OSBPL9: variants seen among roughly 807,000 people sequenced by gnomAD.
OSBPL9 encodes oxysterol binding protein like 9.
OSBPL9 carries 40 observed loss-of-function variants against 106.6 expected under a neutral mutation model. That is an observed-to-expected ratio of 0.38 (90% CI 0.29 to 0.49). OSBPL9 has a LOEUF of 0.49. Ranked by LOEUF, OSBPL9 falls within the 20% of genes least tolerant of loss-of-function variation. The pLI, the probability that OSBPL9 is intolerant of heterozygous loss-of-function variation, is 0.97. For missense variants in OSBPL9, 609 were observed against 887.2 expected, an observed-to-expected ratio of 0.69 and a Z score of 3.98; for synonymous variants, 269 against 295.4, an observed-to-expected ratio of 0.91 and a Z score of 0.92.
chr1:51,701,114 A>AT (rs778031327), intron 3 of OSBPL9, among the ~76,000 whole-genome samples: 3 of 151,978 alleles, frequency 2.0e-5, no homozygotes, highest in Non-Finnish European at 2.9e-5. Context: ...TAATTTTTGT[A>AT]TTTTTAGTAG....
At chr1:51,763,085 A>G (rs1349454258) in intron 11 of OSBPL9, among the ~76,000 whole-genome samples, 6 of 152,040 alleles carry the variant, frequency 3.9e-5, no homozygotes, top group Non-Finnish European at 7.4e-5. Flanking sequence ...GACTCACTGC[A>G]CCCTCCACTT....
At chr1:51,610,505 T>C (rs573921060) in intron 2 of OSBPL9, among the ~76,000 whole-genome samples, 7 of 152,168 alleles carry the variant, frequency 4.6e-5, no homozygotes, top group Non-Finnish European at 8.8e-5. Context: ...ATTCAGATCA[T>C]CTTCACAAAC....
Position 51,787,691 on chromosome 1 carries a change from A to G in OSBPL9, c.2137-24A>G, listed in dbSNP as rs1391811386. Reference sequence around the variant, plus strand: ...AGAAGTACAAAGCAAATATGTAACTAAATTCTTCCTCTTTGTCTTACAGTT... The same window carrying G: ...AGAAGTACAAAGCAAATATGTAACTGAATTCTTCCTCTTTGTCTTACAGTT... On this transcript the variant is annotated intron_variant, in intron 23 of 23. Coordinates refer to ENST00000428468, the MANE Select transcript of OSBPL9 (RefSeq NM_024586.6). 9 of 1,607,060 alleles carry G rather than the reference A, an allele frequency of 5.6e-6. No individual in the cohort carries two copies. The African/African-American group carries it at 1.2e-4, about 22-fold the overall frequency.
At chr1:51,611,653 CA>C (rs1343702811) in intron 2 of OSBPL9, among the ~76,000 whole-genome samples, 1 of 152,134 alleles carries the variant, frequency 6.6e-6, no homozygotes, top group East Asian at 1.9e-4. Flanking sequence ...TGGAGAAACA[CA>C]AGCCATTCTT....
chr1:51,780,610 C>T (rs547008112), intron 15 of OSBPL9, among the ~76,000 whole-genome samples: 3 of 152,170 alleles, frequency 2.0e-5, no homozygotes, highest in African/African-American at 7.2e-5. Context: ...TGAAGAGACT[C>T]AGGAATGAAA....
At chr1:51,711,202 G>C (rs531036647) in intron 3 of OSBPL9, among the ~76,000 whole-genome samples, 18 of 151,110 alleles carry the variant, frequency 1.2e-4, no homozygotes, top group Non-Finnish European at 2.4e-4. Context: ...ATCCTGGCCC[G>C]TTCTCAATGA....
intron 20 of OSBPL9, chr1:51,785,041 A>C: frequency 5.9e-6 from 1 of 170,574 alleles, no homozygotes; most frequent in East Asian, 1.7e-4. Context: ...TCCACTTGAC[A>C]CTCTTGGGTC....
In OSBPL9 at chr1:51,633,288, A is replaced by C. The variant is rs139836982; in HGVS notation, c.111+16067A>C. On this transcript the variant is annotated intron_variant, in intron 1 of 23. Coordinates refer to ENST00000428468, the MANE Select transcript of OSBPL9 (RefSeq NM_024586.6). ...TTATCTTTATTATAAAAGTAAAATAAGGCCAGGTGAGGTAGCTAACACCTG... is the reference window on the plus strand; with the variant it reads ...TTATCTTTATTATAAAAGTAAAATACGGCCAGGTGAGGTAGCTAACACCTG... 9.9e-4 allele frequency among the ~76,000 whole-genome samples: 150 copies of C among 151,614 alleles called. 2 individuals are homozygous for C. In the East Asian group the frequency reaches 0.026, roughly 26 times the overall value.
upstream of OSBPL9, chr1:51,616,984 G>GCT (rs1380481547): frequency 4.0e-6 from 6 of 1,485,794 alleles, no homozygotes; most frequent in Non-Finnish European, 5.4e-6. Flanking sequence ...GATCGCTGGA[G>GCT]CATCTGCCGG....
At chr1:51,571,225 T>C in the OSBPL9 span, among the ~76,000 whole-genome samples, 1 of 152,152 alleles carries the variant, frequency 6.6e-6, no homozygotes, top group East Asian at 1.9e-4. Context: ...GGACCTGACA[T>C]AGAAGAAAGA....
At chr1:51,772,256 A>T (rs1470413357) in intron 13 of OSBPL9, 74 bp downstream of exon 13, 1 of 1,264,726 alleles carries the variant, frequency 7.9e-7, no homozygotes, top group African/African-American at 1.5e-5. Context: ...CTCATGCCGT[A>T]ATCCCAGCAC....
chr1:51,632,351 T>G (rs933389597), intron 1 of OSBPL9, among the ~76,000 whole-genome samples: 1 of 152,206 alleles, frequency 6.6e-6, no homozygotes, highest in Non-Finnish European at 1.5e-5. Context: ...AACAGTTCTG[T>G]GAAGTAATTG....
At chr1:51,778,338 C>T (rs1307533368) in intron 15 of OSBPL9, among the ~76,000 whole-genome samples, 2 of 152,040 alleles carry the variant, frequency 1.3e-5, no homozygotes, top group African/African-American at 4.8e-5. Context: ...AGTTACCACT[C>T]CATTTAATGT....
intron 3 of OSBPL9, among the ~76,000 whole-genome samples, chr1:51,698,088 T>A (rs1656457070): frequency 6.6e-6 from 1 of 152,140 alleles, no homozygotes; most frequent in Non-Finnish European, 1.5e-5. Context: ...TCCCCATAGG[T>A]AATATTATCA....
At chr1:51,574,040 C>T (rs937380984), upstream of OSBPL9, 5 of 152,144 alleles carry the variant, frequency 3.3e-5, no homozygotes, top group Admixed American at 2.6e-4. Flanking sequence ...CTGCACCCAT[C>T]GTTTTTTCCA....
intron 12 of OSBPL9, among the ~76,000 whole-genome samples, chr1:51,767,614 C>A (rs574477894): frequency 6.6e-6 from 1 of 152,244 alleles, no homozygotes; most frequent in Admixed American, 6.5e-5. Flanking sequence ...TACCTTCAGC[C>A]AGTCCTATGT....
chr1:51,600,033 T>C (rs943501125), intron 2 of OSBPL9, among the ~76,000 whole-genome samples: 2 of 152,204 alleles, frequency 1.3e-5, no homozygotes, highest in African/African-American at 4.8e-5. Flanking sequence ...ATAAGGGCAT[T>C]ATTCCTGCCT....
intron 3 of OSBPL9, among the ~76,000 whole-genome samples, chr1:51,713,752 C>G (rs1660545203): frequency 6.6e-6 from 1 of 152,062 alleles, no homozygotes. Context: ...TCTAGTTGTT[C>G]TCAGTGGGAA....
intron 14 of OSBPL9, among the ~76,000 whole-genome samples, chr1:51,774,613 C>A (rs924906714): frequency 1.3e-5 from 2 of 152,118 alleles, no homozygotes; most frequent in African/African-American, 4.8e-5. Context: ...AATAAAAGAA[C>A]CCTAACATAT....
Sources: allele counts gnomAD v4.1 joint callset (sites outside exome capture counted in the v4.1 genomes callset), GRCh38; gene constraint gnomAD v4.1.1; transcripts MANE v1.5; gene names NCBI Gene and HGNC (gene_info 2026-07-23, HGNC 2026-07-21).